COL22A1: variants seen among roughly 807,000 people sequenced by gnomAD.
COL22A1 encodes the protein collagen type XXII alpha 1 chain, also known as collagen alpha-1(XXII) chain.
In COL22A1, 221 loss-of-function variants were observed where a neutral mutation model predicts 248.9. The ratio of observed to expected loss-of-function variants is 0.89; its 90% CI spans 0.80 to 0.99. COL22A1 has a LOEUF of 0.99. Among genes scored for constraint, COL22A1 ranks in the 50% least tolerant of loss-of-function variants. The pLI is 0.00. For missense variants in COL22A1, 2,240 were observed against 2,179.0 expected, an observed-to-expected ratio of 1.03 and a Z score of -0.56; for synonymous variants, 891 against 793.4, an observed-to-expected ratio of 1.12 and a Z score of -2.07.
intron 6 of COL22A1, among the ~76,000 whole-genome samples, chr8:138,823,753 T>C (rs1819352539): frequency 6.6e-6 from 1 of 152,230 alleles, no homozygotes; most frequent in South Asian, 2.1e-4. Context: ...GAAATTATCT[T>C]ATGCGTATCT....
At chr8:138,661,091 T>TACAC (rs141620549) in intron 43 of COL22A1, among the ~76,000 whole-genome samples, 14,898 of 68,218 alleles carry the variant, frequency 0.22, 1,015 homozygotes, top group South Asian at 0.27. Flanking sequence ...CACACAAACA[T>TACAC]ACACACACAC....
At chr8:138,889,607 A>G (rs899503704) in intron 1 of COL22A1, among the ~76,000 whole-genome samples, 4 of 152,200 alleles carry the variant, frequency 2.6e-5, no homozygotes, top group African/African-American at 9.6e-5. Flanking sequence ...AGATATACCT[A>G]ATGCTAAATG....
intron 30 of COL22A1, among the ~76,000 whole-genome samples, chr8:138,711,421 C>T (rs1828956401): frequency 6.6e-6 from 1 of 152,194 alleles, no homozygotes; most frequent in Non-Finnish European, 1.5e-5. Context: ...AAAGGCAAAC[C>T]AGATTCTTTG....
rs2131763737 is a variant in COL22A1, at chr8:138,822,826, T to C, written c.970-1415A>G. Among the ~76,000 whole-genome samples the C allele has an allele frequency of 2.6e-5, 4 of 152,278 alleles. No homozygotes were observed. The South Asian group carries it at 8.3e-4, about 32-fold the overall frequency. On this transcript the variant is annotated intron_variant, in intron 6 of 64. Coordinates refer to ENST00000303045, the MANE Select transcript of COL22A1 (RefSeq NM_152888.3). Reference sequence around the variant, plus strand: ...TTTGTCCCTCCATGTGCCCCAGTTCTTTGGACATATATCCTCCTCTGTGAC... The same window carrying C: ...TTTGTCCCTCCATGTGCCCCAGTTCCTTGGACATATATCCTCCTCTGTGAC...
intron 32 of COL22A1, 98 bp from the exon 33 acceptor site, chr8:138,694,977 G>T: frequency 8.7e-7 from 1 of 1,154,072 alleles, no homozygotes; most frequent in Non-Finnish European, 1.3e-6. Context: ...GCCACCTCCA[G>T]TCCTGTGTAT....
intron 5 of COL22A1, among the ~76,000 whole-genome samples, chr8:138,831,796 A>G (rs1235036195): frequency 2.0e-5 from 3 of 152,186 alleles, no homozygotes; most frequent in Admixed American, 6.5e-5. Flanking sequence ...GAGGAATTAA[A>G]TATTAATAGT....
intron 16 of COL22A1, among the ~76,000 whole-genome samples, chr8:138,768,341 A>G (rs1834075527): frequency 6.6e-6 from 1 of 152,104 alleles, no homozygotes; most frequent in Non-Finnish European, 1.5e-5. Flanking sequence ...CTCTTGCCCG[A>G]GCCTGCCCCT....
At chr8:138,724,698 C>G (rs1163549179) in intron 24 of COL22A1, 30 bp from the exon 25 acceptor site, 1 of 1,606,522 alleles carries the variant, frequency 6.2e-7, no homozygotes, top group East Asian at 2.2e-5. Flanking sequence ...ACCCTGTTAG[C>G]CTGGCCTGTT....
chr8:138,910,430 A>C (rs1368459923), intron 1 of COL22A1, among the ~76,000 whole-genome samples: 1 of 152,138 alleles, frequency 6.6e-6, no homozygotes, highest in East Asian at 1.9e-4. Flanking sequence ...CTGGTGCCTC[A>C]TGAGACCTAT....
chr8:138,763,635 C>T (rs1452710140), intron 16 of COL22A1, among the ~76,000 whole-genome samples: 1 of 152,102 alleles, frequency 6.6e-6, no homozygotes, highest in Non-Finnish European at 1.5e-5. Context: ...GGTTCAGGCT[C>T]ATCTGAACAG....
intron 16 of COL22A1, among the ~76,000 whole-genome samples, chr8:138,772,156 G>A (rs941516731): frequency 2.0e-5 from 3 of 152,192 alleles, no homozygotes; most frequent in Admixed American, 1.3e-4. Flanking sequence ...AGGGAAGGCC[G>A]TCTGCACGCT....
intron 4 of COL22A1, among the ~76,000 whole-genome samples, chr8:138,839,542 G>A (rs902067800): frequency 1.1e-4 from 17 of 152,164 alleles, no homozygotes; most frequent in African/African-American, 3.6e-4. Flanking sequence ...CATTTGCAAT[G>A]TTTAACGCAG....
intron 6 of COL22A1, among the ~76,000 whole-genome samples, chr8:138,824,204 C>T (rs552482723): frequency 1.1e-4 from 17 of 152,298 alleles, no homozygotes; most frequent in African/African-American, 3.8e-4. Flanking sequence ...CACTGTGTCC[C>T]TGAACCTTCA....
At chr8:138,789,238 G>A (rs940148301) in intron 12 of COL22A1, among the ~76,000 whole-genome samples, 1 of 152,236 alleles carries the variant, frequency 6.6e-6, no homozygotes, top group Non-Finnish European at 1.5e-5. Flanking sequence ...CATGGACAGG[G>A]CCTGCAGCAC....
intron 22 of COL22A1, among the ~76,000 whole-genome samples, chr8:138,749,147 C>T (rs1462974499): frequency 6.6e-6 from 1 of 152,182 alleles, no homozygotes; most frequent in Non-Finnish European, 1.5e-5. Context: ...AGTCCATTCA[C>T]CTTTGGCCGT....
intron 12 of COL22A1, among the ~76,000 whole-genome samples, chr8:138,790,245 A>G (rs976569414): frequency 7.2e-5 from 11 of 152,334 alleles, no homozygotes; most frequent in African/African-American, 2.6e-4. Flanking sequence ...GTAACCTGAC[A>G]TGGTGAAAAG....
chr8:138,864,196 T>C (rs1376455165), intron 3 of COL22A1, among the ~76,000 whole-genome samples: 2 of 152,102 alleles, frequency 1.3e-5, no homozygotes, highest in East Asian at 3.9e-4. Flanking sequence ...GGTCTGAACC[T>C]GGCCCATTCT....
At position 138,655,928 on chromosome 8, in the gene COL22A1, A is replaced by G. The variant is rs562004032; in HGVS notation, c.3302T>C (p.Leu1101Pro). Residue 1101 changes from leucine (L) to proline (P), a missense_variant, in exon 45 of 65, where the codon CTG (leucine) becomes CCG (proline). Physicochemically the swap from Leu to Pro is moderately conservative, Grantham distance 98. Transcript: ENST00000303045. The part of the protein sequence containing the change: ...PPGKPGLSSL[L>P]SPGDINLLAK... ...CAAGAGATTTATGTCCCCTGGAGACAGTAGTGAAGAGAGGCCCTGTCAAAA... is the reference window on the plus strand; with the variant it reads ...CAAGAGATTTATGTCCCCTGGAGACGGTAGTGAAGAGAGGCCCTGTCAAAA... 61 of 1,612,480 alleles carry G rather than the reference A, an allele frequency of 3.8e-5. 1 individual carries two copies. In the South Asian group the frequency reaches 6.2e-4, roughly 16 times the overall value.
chr8:138,890,995 C>A (rs934777396), intron 1 of COL22A1, among the ~76,000 whole-genome samples: 1 of 151,986 alleles, frequency 6.6e-6, no homozygotes, highest in African/African-American at 2.4e-5. Context: ...CATATTCCAG[C>A]CTGGCGACAG....
Sources: allele counts gnomAD v4.1 joint callset (sites outside exome capture counted in the v4.1 genomes callset), GRCh38; gene constraint gnomAD v4.1.1; transcripts MANE v1.5; gene names NCBI Gene and HGNC (gene_info 2026-07-23, HGNC 2026-07-21).